The following NFIA variants were observed in gnomAD, a reference collection of about 807,000 sequenced individuals.
The protein encoded by NFIA is nuclear factor I A.
In NFIA, 8 loss-of-function variants were observed where a neutral mutation model predicts 62.8. The observed-to-expected ratio is 0.13, with a 90% CI of 0.07 to 0.23. The LOEUF is 0.23. Ranked by LOEUF, NFIA falls within the 10% of genes least tolerant of loss-of-function variation. The probability of loss-of-function intolerance (pLI) is 1.00; values close to 1 mark genes in which losing one functional copy is unlikely to be tolerated. For missense variants in NFIA, 410 were observed against 642.1 expected, an observed-to-expected ratio of 0.64 and a Z score of 3.91; for synonymous variants, 235 against 238.1, an observed-to-expected ratio of 0.99 and a Z score of 0.12.
intron 6 of NFIA, among the ~76,000 whole-genome samples, chr1:61,366,374 A>G (rs1251732077): frequency 1.3e-5 from 2 of 152,226 alleles, no homozygotes; most frequent in Non-Finnish European, 2.9e-5. Context: ...TTTCAAATAT[A>G]TGCATAAGAA....
At chr1:61,077,648 C>G (rs1182830756), upstream of NFIA, 6 of 1,409,178 alleles carry the variant, frequency 4.3e-6, no homozygotes, top group Admixed American at 1.5e-4. Context: ...ACATCTTAAA[C>G]TTTCTATTTT....
At chr1:61,301,356 T>C (rs1224544394) in intron 3 of NFIA, among the ~76,000 whole-genome samples, 1 of 152,178 alleles carries the variant, frequency 6.6e-6, no homozygotes, top group Non-Finnish European at 1.5e-5. Context: ...CTGGAGAAAT[T>C]CACATCATGA....
chr1:61,421,229 A>T (rs1292789569), intron 9 of NFIA, among the ~76,000 whole-genome samples: 1 of 152,084 alleles, frequency 6.6e-6, no homozygotes, highest in Non-Finnish European at 1.5e-5. Flanking sequence ...CTCTGTACTT[A>T]TCTCTCCCCA....
intron 3 of NFIA, among the ~76,000 whole-genome samples, chr1:61,305,432 G>A (rs1338160481): frequency 1.3e-5 from 2 of 152,166 alleles, no homozygotes; most frequent in African/African-American, 4.8e-5. Flanking sequence ...CATTTTTTAT[G>A]AACAGCAGAA....
chr1:61,412,348 A>G (rs1379931264), intron 9 of NFIA, among the ~76,000 whole-genome samples: 1 of 152,156 alleles, frequency 6.6e-6, no homozygotes, highest in African/African-American at 2.4e-5. Flanking sequence ...GTTGATAGGG[A>G]GGGGCACTTA....
At chr1:61,327,925 T>G (rs1661044595) in intron 3 of NFIA, among the ~76,000 whole-genome samples, 1 of 151,218 alleles carries the variant, frequency 6.6e-6, no homozygotes, top group Admixed American at 6.6e-5. Context: ...TATCTATTAT[T>G]TTTTTTTTAC....
chr1:61,141,531 A>G (rs1647534804), intron 2 of NFIA, among the ~76,000 whole-genome samples: 1 of 152,238 alleles, frequency 6.6e-6, no homozygotes, highest in Admixed American at 6.5e-5. Flanking sequence ...GTTAAACTTG[A>G]TAATTTCTAA....
In NFIA at chr1:61,228,744, C is replaced by T. The variant is rs79096542; in HGVS notation, c.560-48776C>T. 6.6e-3 allele frequency among the ~76,000 whole-genome samples: 1,006 copies of T among 152,020 alleles called. 8 individuals carry two copies. The highest frequency in any genetic ancestry group is 0.011 in the Non-Finnish European group (727 of 67,984). ...GTGTAATGTTAAATCCAAAAGAATCCTGAAGATCATATTAGTAGTATTTTC... is the reference window on the plus strand; with the variant it reads ...GTGTAATGTTAAATCCAAAAGAATCTTGAAGATCATATTAGTAGTATTTTC... On this transcript the variant is annotated intron_variant, in intron 2 of 10. Coordinates refer to ENST00000403491, the MANE Select transcript of NFIA (RefSeq NM_001134673.4).
At chr1:61,207,304 A>G (rs1344364237) in intron 2 of NFIA, among the ~76,000 whole-genome samples, 2 of 152,220 alleles carry the variant, frequency 1.3e-5, no homozygotes, top group African/African-American at 4.8e-5. Flanking sequence ...TTTTTGAGTC[A>G]TAAACAATAG....
intron 4 of NFIA, among the ~76,000 whole-genome samples, chr1:61,349,247 A>G (rs1353013319): frequency 6.6e-6 from 1 of 152,146 alleles, no homozygotes; most frequent in African/African-American, 2.4e-5. Flanking sequence ...TTTTAAACGA[A>G]AGGCCCTTAG....
chr1:61,276,504 G>A (rs1324689533), intron 2 of NFIA, among the ~76,000 whole-genome samples: 3 of 152,066 alleles, frequency 2.0e-5, no homozygotes, highest in African/African-American at 4.8e-5. Context: ...CAAGCTCTCC[G>A]CAGATACAGA....
rs58955783 is a variant in NFIA at position 61,329,381 on chromosome 1, ATTT to A, written c.626-3114_626-3112del. On this transcript the variant is annotated intron_variant, in intron 3 of 10. Coordinates refer to ENST00000403491, the MANE Select transcript of NFIA (RefSeq NM_001134673.4). ...TACCTGGCCTATCATTTTTAAAGTA[ATTT>A]TTTTTTTTTTTTTTTTGAGACAGAG... is the stretch of plus-strand genomic sequence containing the variant. 4.8e-3 allele frequency among the ~76,000 whole-genome samples: 570 copies of A among 119,842 alleles called. 6 individuals are homozygous for A. The highest frequency in any genetic ancestry group is 0.017 in the African/African-American group (540 of 31,406). 78.6% of individuals were successfully genotyped at this position (119,842 alleles called of 152,430 possible).
chr1:61,372,977 T>C (rs934425997), intron 6 of NFIA, among the ~76,000 whole-genome samples: 7 of 152,194 alleles, frequency 4.6e-5, no homozygotes, highest in African/African-American at 1.7e-4. Context: ...TGATGGAATG[T>C]ATTGCCCTCT....
At chr1:61,440,511 G>A (rs886735333) in intron 10 of NFIA, among the ~76,000 whole-genome samples, 4 of 152,156 alleles carry the variant, frequency 2.6e-5, no homozygotes, top group African/African-American at 9.7e-5. Flanking sequence ...TGATAACGTA[G>A]AACGTTCTTT....
intron 2 of NFIA, among the ~76,000 whole-genome samples, chr1:61,091,253 A>C (rs914907488): frequency 1.3e-5 from 2 of 152,104 alleles, no homozygotes; most frequent in African/African-American, 4.8e-5. Context: ...GTGTGTAATA[A>C]TTCTTGCTTT....
intron 2 of NFIA, among the ~76,000 whole-genome samples, chr1:61,209,337 T>G (rs1301092040): frequency 6.6e-6 from 1 of 152,186 alleles, no homozygotes; most frequent in African/African-American, 2.4e-5. Flanking sequence ...CAGCTAGGGT[T>G]AAACAGGTTT....
intron 2 of NFIA, among the ~76,000 whole-genome samples, chr1:61,112,903 G>T (rs1337100523): frequency 6.6e-6 from 1 of 152,020 alleles, no homozygotes; most frequent in South Asian, 2.1e-4. Context: ...CAGAATTTAG[G>T]ATTTTTTATT....
intron 2 of NFIA, among the ~76,000 whole-genome samples, chr1:61,161,630 C>G (rs1264597950): frequency 6.6e-6 from 1 of 151,988 alleles, no homozygotes; most frequent in East Asian, 1.9e-4. Flanking sequence ...CGCAGACAGT[C>G]TCTGACTTTC....
intron 3 of NFIA, among the ~76,000 whole-genome samples, chr1:61,312,408 G>A (rs1338991313): frequency 2.0e-5 from 3 of 152,082 alleles, no homozygotes; most frequent in East Asian, 3.9e-4. Flanking sequence ...TAACATGATT[G>A]GTAAAACCAG....
Sources: gnomAD v4.1 joint callset for allele counts (sites outside exome capture counted in the v4.1 genomes callset) on GRCh38, gnomAD v4.1.1 for gene constraint, MANE v1.5 for transcripts, NCBI Gene and HGNC (gene_info 2026-07-23, HGNC 2026-07-21) for gene names.